LSAMP: variants seen among roughly 807,000 people sequenced by gnomAD.
LSAMP encodes limbic system associated membrane protein.
A neutral mutation model predicts 38.6 loss-of-function variants in LSAMP; 7 were observed. The observed-to-expected ratio is 0.18, with a 90% CI of 0.10 to 0.34. LSAMP has a LOEUF of 0.34. Among genes scored for constraint, LSAMP ranks in the 10% least tolerant of loss-of-function variants. LSAMP has a pLI of 1.00. For synonymous variants in LSAMP, 154 were observed against 166.8 expected (o/e 0.92, Z 0.59); for missense variants, 313 against 420.0 (o/e 0.75, Z 2.23).
chr3:116,242,895 T>C (rs9826213), intron 1 of LSAMP, among the ~76,000 whole-genome samples: 108,771 of 152,112 alleles, frequency 0.72, 40,549 homozygotes, highest in South Asian at 0.84. Context: ...ATTAAGATTC[T>C]TTATCCTGAA....
intron 3 of LSAMP, among the ~76,000 whole-genome samples, chr3:115,984,274 T>C (rs796613814): frequency 7.2e-5 from 11 of 152,242 alleles, no homozygotes; most frequent in African/African-American, 2.4e-4. Context: ...CATGATCAAT[T>C]CAAATTTTCT....
chr3:116,113,168 AGAT>A (rs1039216524), intron 1 of LSAMP, among the ~76,000 whole-genome samples: 3 of 152,060 alleles, frequency 2.0e-5, no homozygotes, highest in South Asian at 2.1e-4. Flanking sequence ...AGATAAAAAG[AGAT>A]GATAAGAAAA....
chr3:116,252,381 T>A (rs2046695324), intron 1 of LSAMP, among the ~76,000 whole-genome samples: 1 of 152,146 alleles, frequency 6.6e-6, no homozygotes, highest in African/African-American at 2.4e-5. Context: ...AAGTGAGACT[T>A]TTCAAGCCAT....
intron 6 of LSAMP, among the ~76,000 whole-genome samples, chr3:115,817,813 T>C (rs1934080139): frequency 6.6e-6 from 1 of 152,242 alleles, no homozygotes; most frequent in African/African-American, 2.4e-5. Context: ...ATCCAGGTTC[T>C]ATTAATATAT....
intron 3 of LSAMP, among the ~76,000 whole-genome samples, chr3:115,946,221 C>T (rs1484900978): frequency 2.6e-5 from 4 of 152,118 alleles, no homozygotes; most frequent in Non-Finnish European, 4.4e-5. Context: ...TGAAATCATA[C>T]AAACTGAGAG....
At chr3:115,817,634 T>C (rs1577031913) in intron 6 of LSAMP, among the ~76,000 whole-genome samples, 1 of 152,188 alleles carries the variant, frequency 6.6e-6, no homozygotes, top group Non-Finnish European at 1.5e-5. Flanking sequence ...GGTGCTCAGA[T>C]AGAAGAGCCC....
At chr3:116,380,571 GTA>G (rs1280613839) in intron 1 of LSAMP, among the ~76,000 whole-genome samples, 1 of 151,898 alleles carries the variant, frequency 6.6e-6, no homozygotes, top group Non-Finnish European at 1.5e-5. Context: ...AACAGCCTCA[GTA>G]TATGTTTTTC....
intron 3 of LSAMP, among the ~76,000 whole-genome samples, chr3:115,964,449 A>G (rs547290735): frequency 2.6e-5 from 4 of 152,346 alleles, no homozygotes; most frequent in South Asian, 2.1e-4. Context: ...ATTACTCTCA[A>G]TGGTGAAGTG....
At chr3:116,406,585 C>A (rs1220197402) in intron 1 of LSAMP, among the ~76,000 whole-genome samples, 1 of 151,940 alleles carries the variant, frequency 6.6e-6, no homozygotes, top group African/African-American at 2.4e-5. Flanking sequence ...CACAATTTTT[C>A]TTTGCATCTT....
At chr3:116,221,686 A>G (rs571548527) in intron 1 of LSAMP, among the ~76,000 whole-genome samples, 1 of 152,324 alleles carries the variant, frequency 6.6e-6, no homozygotes, top group South Asian at 2.1e-4. Context: ...ATATTCTGGC[A>G]GAGCTGTTCT....
At chr3:116,240,391 G>C (rs901636667) in intron 1 of LSAMP, among the ~76,000 whole-genome samples, 2 of 152,012 alleles carry the variant, frequency 1.3e-5, no homozygotes, top group African/African-American at 2.4e-5. Flanking sequence ...AAAGGTCAGG[G>C]GAGCAATCCA....
intron 1 of LSAMP, among the ~76,000 whole-genome samples, chr3:116,191,364 AG>A (rs1477396244): frequency 2.6e-5 from 4 of 152,292 alleles, no homozygotes; most frequent in East Asian, 3.9e-4. Context: ...AAGTGGTCCA[AG>A]GGGCAAACAT....
intron 1 of LSAMP, among the ~76,000 whole-genome samples, chr3:116,369,318 A>G (rs724115): frequency 0.84 from 128,081 of 152,130 alleles, 54,222 homozygotes; most frequent in East Asian, 0.94. Flanking sequence ...AGCAGTCAAG[A>G]GAAAAAATGT....
chr3:116,008,802 T>G (rs1329208598), intron 3 of LSAMP, among the ~76,000 whole-genome samples: 1 of 152,122 alleles, frequency 6.6e-6, no homozygotes, highest in African/African-American at 2.4e-5. Flanking sequence ...ACTGCTATAC[T>G]TCGAATACTA....
intron 1 of LSAMP, among the ~76,000 whole-genome samples, chr3:116,292,610 T>C (rs2047282464): frequency 6.6e-6 from 1 of 152,212 alleles, no homozygotes; most frequent in African/African-American, 2.4e-5. Context: ...TGGCGGGCTT[T>C]ACAAATGTAC....
At chr3:116,414,649 G>A (rs1200866326) in intron 1 of LSAMP, among the ~76,000 whole-genome samples, 2 of 152,090 alleles carry the variant, frequency 1.3e-5, no homozygotes, top group African/African-American at 4.8e-5. Flanking sequence ...GGAACTGGAG[G>A]AAAATGGAGT....
intron 3 of LSAMP, among the ~76,000 whole-genome samples, chr3:115,933,456 C>G (rs1937613832): frequency 6.6e-6 from 1 of 152,118 alleles, no homozygotes; most frequent in Non-Finnish European, 1.5e-5. Flanking sequence ...CAACTTAATG[C>G]TGGATGAGTA....
chr3:116,163,819 T>C (rs535536275), intron 1 of LSAMP, among the ~76,000 whole-genome samples: 5 of 152,310 alleles, frequency 3.3e-5, no homozygotes, highest in South Asian at 4.1e-4. Flanking sequence ...TTCATTCTCA[T>C]GTTTTCTTAA....
intron 2 of LSAMP, among the ~76,000 whole-genome samples, chr3:116,032,864 T>A (rs761474220): frequency 3.3e-5 from 5 of 152,052 alleles, no homozygotes; most frequent in Non-Finnish European, 7.4e-5. Flanking sequence ...TGCTGTCATA[T>A]TGATTAAATT....
Sources: gnomAD v4.1 joint callset for allele counts (sites outside exome capture counted in the v4.1 genomes callset) on GRCh38, gnomAD v4.1.1 for gene constraint, MANE v1.5 for transcripts, NCBI Gene and HGNC (gene_info 2026-07-23, HGNC 2026-07-21) for gene names.